The following TGFBR1 variants were observed in gnomAD, a reference collection of about 807,000 sequenced individuals.
TGFBR1 encodes the protein transforming growth factor beta receptor 1.
TGFBR1 carries 20 observed loss-of-function variants against 55.1 expected under a neutral mutation model. The ratio of observed to expected loss-of-function variants is 0.36; its 90% CI spans 0.26 to 0.53. The LOEUF is 0.53. Ranked by LOEUF, TGFBR1 falls within the 20% of genes least tolerant of loss-of-function variation. The pLI is 0.91. For missense variants in TGFBR1, 385 were observed against 617.6 expected, an observed-to-expected ratio of 0.62 and a Z score of 3.99; for synonymous variants, 220 against 214.8, an observed-to-expected ratio of 1.02 and a Z score of -0.21.
At chr9:99,130,321 A>G (rs1278041835) in intron 2 of TGFBR1, among the ~76,000 whole-genome samples, 1 of 152,238 alleles carries the variant, frequency 6.6e-6, no homozygotes, top group Non-Finnish European at 1.5e-5. Context: ...AGGAGCAGAC[A>G]CAGTTGCTCA....
chr9:99,123,060 C>G (rs1826939202), intron 1 of TGFBR1, among the ~76,000 whole-genome samples: 1 of 152,038 alleles, frequency 6.6e-6, no homozygotes, highest in Non-Finnish European at 1.5e-5. Context: ...GGGTCCCATT[C>G]CCAAGATGTC....
At chr9:99,118,983 T>A (rs1214966251) in intron 1 of TGFBR1, among the ~76,000 whole-genome samples, 1 of 152,098 alleles carries the variant, frequency 6.6e-6, no homozygotes, top group Non-Finnish European at 1.5e-5. Flanking sequence ...TTATCAGTGG[T>A]GTGTTCTCTG....
chr9:99,119,321 C>T (rs1826836231), intron 1 of TGFBR1, among the ~76,000 whole-genome samples: 1 of 152,144 alleles, frequency 6.6e-6, no homozygotes, highest in African/African-American at 2.4e-5. Flanking sequence ...TCCCCTAGCC[C>T]AGGATGATCA....
intron 2 of TGFBR1, among the ~76,000 whole-genome samples, chr9:99,130,613 C>G (rs1325111225): frequency 6.6e-6 from 1 of 152,168 alleles, no homozygotes; most frequent in Non-Finnish European, 1.5e-5. Context: ...CACCTTATTT[C>G]TCATGTTTCT....
chr9:99,149,841 T>TA lies in TGFBR1; in HGVS notation c.*537dup, dbSNP rs1359599105. On this transcript the variant is annotated 3_prime_UTR_variant, in exon 9 of 9. Transcript: ENST00000374994. ...TATCTTGAGTCTAAAAATGACCTCA[T>TA]ATAGTAGTGAGGAACATAATTCATG... 2 of 222,776 alleles carry TA rather than the reference T, an allele frequency of 9.0e-6. No individual in the cohort carries two copies. The allele number at this position is 222,776 out of a possible 1,614,324, so 13.8% of individuals were successfully genotyped here. A position where few individuals can be genotyped will look rare whatever the true frequency, so the allele number is the denominator to read the frequency against.
intron 4 of TGFBR1, among the ~76,000 whole-genome samples, chr9:99,140,945 C>T (rs1160073326): frequency 1.3e-5 from 2 of 152,204 alleles, no homozygotes; most frequent in African/African-American, 2.4e-5. Context: ...ACTGGCTCTT[C>T]CCTACTCCCC....
At chr9:99,107,575 A>C (rs1443545008) in intron 1 of TGFBR1, among the ~76,000 whole-genome samples, 1 of 152,186 alleles carries the variant, frequency 6.6e-6, no homozygotes, top group Non-Finnish European at 1.5e-5. Context: ...TGCAGCCTTC[A>C]GCTTAATCCT....
intron 1 of TGFBR1, among the ~76,000 whole-genome samples, chr9:99,123,654 TA>T (rs1431997314): frequency 6.6e-6 from 1 of 152,204 alleles, no homozygotes; most frequent in Non-Finnish European, 1.5e-5. Context: ...TTAAAATTTT[TA>T]AAATTGTTTT....
intron 4 of TGFBR1, 145 bp downstream of exon 4, chr9:99,138,234 T>G (rs1275642202): frequency 1.5e-6 from 1 of 689,570 alleles, no homozygotes; most frequent in Non-Finnish European, 2.5e-6. Context: ...TACAATATAT[T>G]AGTAACTTTT....
chr9:99,105,971 A>G (rs185124302), intron 1 of TGFBR1, among the ~76,000 whole-genome samples: 124 of 152,336 alleles, frequency 8.1e-4, no homozygotes, highest in Non-Finnish European at 1.5e-3. Context: ...TTTGTGTGAG[A>G]AGAAGGAAGC....
chr9:99,109,603 T>A (rs1018801971), intron 1 of TGFBR1, among the ~76,000 whole-genome samples: 6 of 152,220 alleles, frequency 3.9e-5, no homozygotes, highest in Non-Finnish European at 1.5e-5. Flanking sequence ...GCCATTATCC[T>A]ATGGATGGCC....
At chr9:99,121,825 A>G (rs1362932452) in intron 1 of TGFBR1, among the ~76,000 whole-genome samples, 1 of 152,128 alleles carries the variant, frequency 6.6e-6, no homozygotes, top group African/African-American at 2.4e-5. Context: ...CAGAGTGATG[A>G]AAAAACTGGA....
Position 99,150,752 on chromosome 9 carries a change from A to T in TGFBR1, c.*1447A>T, listed in dbSNP as rs199588065. 13 of 214,620 alleles carry T rather than the reference A, an allele frequency of 6.1e-5. No individual in the cohort carries two copies. The highest frequency in any genetic ancestry group is 2.9e-4 in the African/African-American group (13 of 44,454). 13.3% of individuals were successfully genotyped at this position (214,620 alleles called of 1,614,324 possible). On this transcript the variant is annotated 3_prime_UTR_variant, in exon 9 of 9. Transcript: ENST00000374994. ...TTGGGAGAGGTGGTAGCTAAAGAACATTCTGAGTATAGGTTTTTCTCCATT... is the reference window on the plus strand; with the variant it reads ...TTGGGAGAGGTGGTAGCTAAAGAACTTTCTGAGTATAGGTTTTTCTCCATT...
intron 1 of TGFBR1, among the ~76,000 whole-genome samples, chr9:99,114,197 T>G (rs1046796450): frequency 2.0e-5 from 3 of 152,164 alleles, no homozygotes; most frequent in African/African-American, 7.2e-5. Context: ...AATAGCAAAT[T>G]CAGTAAGACC....
intron 1 of TGFBR1, among the ~76,000 whole-genome samples, chr9:99,109,445 C>T (rs1330966153): frequency 1.3e-5 from 2 of 152,112 alleles, no homozygotes; most frequent in Non-Finnish European, 2.9e-5. Flanking sequence ...AAATCTTGTT[C>T]CTGTGAGGAG....
At chr9:99,105,618 G>C (rs1826389676) in intron 1 of TGFBR1, among the ~76,000 whole-genome samples, 1 of 151,864 alleles carries the variant, frequency 6.6e-6, no homozygotes. Flanking sequence ...GCCCTCTGGG[G>C]TGTGAGTGGG....
chr9:99,128,304 A>G (rs1003045430), intron 1 of TGFBR1, among the ~76,000 whole-genome samples: 2 of 152,086 alleles, frequency 1.3e-5, no homozygotes, highest in Non-Finnish European at 2.9e-5. Context: ...TGTCTTTTTT[A>G]GGGTTTGCAC....
At chr9:99,120,608 T>C (rs573895473) in intron 1 of TGFBR1, among the ~76,000 whole-genome samples, 3 of 152,320 alleles carry the variant, frequency 2.0e-5, no homozygotes, top group African/African-American at 7.2e-5. Flanking sequence ...GGCTATATAG[T>C]CTTTCATTTA....
In TGFBR1 at chr9:99,105,173, C is replaced by T. The variant is rs1482586656; in HGVS notation, c.-33C>T. The T allele has an allele frequency of 7.6e-5, 82 of 1,085,404 alleles. No individual in the cohort carries two copies. The highest frequency in any genetic ancestry group is 4.0e-4 in the Middle Eastern group (1 of 2,476). 67.2% of individuals were successfully genotyped at this position (1,085,404 alleles called of 1,614,324 possible). A position where few individuals can be genotyped will look rare whatever the true frequency, so the allele number is the denominator to read the frequency against. ...GGGGTGAGGCAGCGGCGCGGCCGGGCCGGGCCGGGCCACAGGCGGTGGCGG... is the reference window on the plus strand; with the variant it reads ...GGGGTGAGGCAGCGGCGCGGCCGGGTCGGGCCGGGCCACAGGCGGTGGCGG... On this transcript the variant is annotated 5_prime_UTR_variant, in exon 1 of 9. Transcript: ENST00000374994.
Sources: allele counts gnomAD v4.1 joint callset (sites outside exome capture counted in the v4.1 genomes callset), GRCh38; gene constraint gnomAD v4.1.1; transcripts MANE v1.5; gene names NCBI Gene and HGNC (gene_info 2026-07-23, HGNC 2026-07-21).